The following GRIK2 variants were observed in gnomAD, a reference collection of about 807,000 sequenced individuals.
The protein encoded by GRIK2 is glutamate ionotropic receptor kainate type subunit 2.
GRIK2 carries 32 observed loss-of-function variants against 100.3 expected under a neutral mutation model. The ratio of observed to expected loss-of-function variants is 0.32; its 90% CI spans 0.24 to 0.43. The LOEUF is 0.43. Among genes scored for constraint, GRIK2 ranks in the 20% least tolerant of loss-of-function variants. GRIK2 has a pLI of 1.00. For missense variants in GRIK2, 843 were observed against 1,114.9 expected (o/e 0.76, Z 3.47); for synonymous variants, 417 against 389.4 (o/e 1.07, Z -0.83).
At chr6:101,791,149 A>C (rs909660924) in intron 7 of GRIK2, among the ~76,000 whole-genome samples, 10 of 152,038 alleles carry the variant, frequency 6.6e-5, no homozygotes, top group East Asian at 3.9e-4. Flanking sequence ...TGATCCTTTC[A>C]AAAAACCAGC....
chr6:102,004,638 A>G (rs1019041487), intron 14 of GRIK2, among the ~76,000 whole-genome samples: 2 of 151,998 alleles, frequency 1.3e-5, no homozygotes, highest in African/African-American at 2.4e-5. Flanking sequence ...GAGTGAAAGC[A>G]TCATATATAC....
intron 2 of GRIK2, among the ~76,000 whole-genome samples, chr6:101,446,614 A>G (rs1451053143): frequency 6.6e-6 from 1 of 151,848 alleles, no homozygotes; most frequent in East Asian, 1.9e-4. Context: ...ATGTTTCTGA[A>G]CAAGCCCTCA....
At chr6:102,019,122 G>A (rs1424806231) in intron 14 of GRIK2, among the ~76,000 whole-genome samples, 1 of 151,976 alleles carries the variant, frequency 6.6e-6, no homozygotes, top group East Asian at 1.9e-4. Context: ...TATGCTAGCA[G>A]TTCTGCTTAC....
intron 2 of GRIK2, among the ~76,000 whole-genome samples, chr6:101,591,142 C>T (rs1413850681): frequency 6.6e-6 from 1 of 151,744 alleles, no homozygotes; most frequent in Non-Finnish European, 1.5e-5. Flanking sequence ...AAGGTTCTGA[C>T]TTTCTAGATG....
chr6:101,533,412 AG>A (rs1775537678), intron 2 of GRIK2, among the ~76,000 whole-genome samples: 1 of 68,430 alleles, frequency 1.5e-5, no homozygotes, highest in African/African-American at 5.1e-5. Context: ...TGTATATCAG[AG>A]AAAAAAATAG....
chr6:101,603,107 A>G (rs1440470043), intron 2 of GRIK2, among the ~76,000 whole-genome samples: 1 of 151,726 alleles, frequency 6.6e-6, no homozygotes, highest in Non-Finnish European at 1.5e-5. Context: ...AGTCAAATCA[A>G]TGACAAAATC....
intron 2 of GRIK2, among the ~76,000 whole-genome samples, chr6:101,409,976 G>A (rs1039627038): frequency 1.3e-5 from 2 of 151,970 alleles, no homozygotes; most frequent in African/African-American, 4.8e-5. Context: ...GGTTGGTAAG[G>A]ATTTATTAAC....
At position 101,676,576 on chromosome 6, in the gene GRIK2, A is replaced by G. The variant is rs749331456; in HGVS notation, c.542-47A>G. On this transcript the variant is annotated intron_variant, in intron 4 of 16. Coordinates refer to ENST00000369134, the MANE Select transcript of GRIK2 (RefSeq NM_021956.5). ...GTTTTCTGATTCTTTGCCCTACTCT[A>G]TTTTTTATCTCTAATATTCTTTTTT... The G allele has an allele frequency of 4.4e-6, 5 of 1,137,830 alleles. No individual in the cohort carries two copies. The East Asian group carries it at 1.0e-4, about 24-fold the overall frequency. 70.5% of individuals were successfully genotyped at this position (1,137,830 alleles called of 1,614,324 possible).
chr6:101,716,872 C>G (rs1249880955), intron 7 of GRIK2, among the ~76,000 whole-genome samples: 1 of 151,826 alleles, frequency 6.6e-6, no homozygotes, highest in Non-Finnish European at 1.5e-5. Context: ...ATTGCTCAAC[C>G]TGAGGCCATC....
chr6:101,712,849 C>T (rs1214319559), intron 7 of GRIK2, among the ~76,000 whole-genome samples: 3 of 151,768 alleles, frequency 2.0e-5, no homozygotes, highest in Admixed American at 1.3e-4. Flanking sequence ...GCTTTAAATT[C>T]CACACAAAGG....
At chr6:101,556,835 T>G (rs1194984269) in intron 2 of GRIK2, among the ~76,000 whole-genome samples, 1 of 152,222 alleles carries the variant, frequency 6.6e-6, no homozygotes, top group Non-Finnish European at 1.5e-5. Context: ...CTCTTAACCA[T>G]TCTGCTGTAT....
chr6:101,573,777 G>A (rs922385918), intron 2 of GRIK2, among the ~76,000 whole-genome samples: 5 of 151,932 alleles, frequency 3.3e-5, no homozygotes, highest in African/African-American at 1.2e-4. Context: ...ATACAAATAA[G>A]CCTTCAGTAT....
chr6:101,962,383 G>T (rs1245829356), intron 14 of GRIK2, among the ~76,000 whole-genome samples: 1 of 151,830 alleles, frequency 6.6e-6, no homozygotes, highest in Non-Finnish European at 1.5e-5. Flanking sequence ...TTATTCCATT[G>T]TAGCAAGGCA....
At chr6:101,440,751 T>C (rs1305263963) in intron 2 of GRIK2, among the ~76,000 whole-genome samples, 1 of 152,152 alleles carries the variant, frequency 6.6e-6, no homozygotes, top group Non-Finnish European at 1.5e-5. Context: ...CTCATATTTC[T>C]GTTTGAGGGT....
intron 2 of GRIK2, among the ~76,000 whole-genome samples, chr6:101,531,892 T>G (rs1479970665): frequency 6.6e-5 from 10 of 151,940 alleles, no homozygotes; most frequent in African/African-American, 2.4e-4. Context: ...CTACTGCTAC[T>G]CGTTGATTCC....
intron 14 of GRIK2, among the ~76,000 whole-genome samples, chr6:101,994,856 T>G (rs1296827154): frequency 6.6e-6 from 1 of 151,776 alleles, no homozygotes. Flanking sequence ...TAACTATAGC[T>G]CACAGTAAGA....
At chr6:101,469,059 G>A (rs1287586690) in intron 2 of GRIK2, among the ~76,000 whole-genome samples, 6 of 152,106 alleles carry the variant, frequency 3.9e-5, no homozygotes, top group African/African-American at 1.2e-4. Flanking sequence ...CTTTCAGAAA[G>A]GTTGAAGGGA....
intron 2 of GRIK2, among the ~76,000 whole-genome samples, chr6:101,581,124 T>A (rs1203074981): frequency 6.6e-6 from 1 of 151,754 alleles, no homozygotes; most frequent in Non-Finnish European, 1.5e-5. Flanking sequence ...TAGGCATGTG[T>A]TACGTTTCTC....
chr6:101,446,222 A>G (rs183472083), intron 2 of GRIK2, among the ~76,000 whole-genome samples: 1 of 152,098 alleles, frequency 6.6e-6, no homozygotes, highest in East Asian at 1.9e-4. Flanking sequence ...GTTAGGCAGA[A>G]TAAATTTATG....
Sources: gnomAD v4.1 joint callset for allele counts (sites outside exome capture counted in the v4.1 genomes callset) on GRCh38, gnomAD v4.1.1 for gene constraint, MANE v1.5 for transcripts, NCBI Gene and HGNC (gene_info 2026-07-23, HGNC 2026-07-21) for gene names.